The following CUL2 variants were observed in gnomAD, a reference collection of about 807,000 sequenced individuals.
CUL2 encodes the protein cullin 2.
CUL2 carries 22 observed loss-of-function variants against 110.2 expected under a neutral mutation model. The ratio of observed to expected loss-of-function variants is 0.20; its 90% CI spans 0.14 to 0.28. The LOEUF (loss-of-function observed/expected upper bound fraction) is 0.28. Ranked by LOEUF, CUL2 falls within the 10% of genes least tolerant of loss-of-function variation. The pLI is 1.00. For missense variants in CUL2, 631 were observed against 905.5 expected (o/e 0.70, Z 3.89); for synonymous variants, 279 against 293.2 (o/e 0.95, Z 0.49).
intron 8 of CUL2, among the ~76,000 whole-genome samples, chr10:35,042,574 C>T (rs1447659724): frequency 6.6e-6 from 1 of 152,132 alleles, no homozygotes; most frequent in African/African-American, 2.4e-5. Context: ...GAGAAAGCCC[C>T]ACCCTGTACG....
At chr10:35,033,350 A>C (rs748661795) in intron 10 of CUL2, 77 bp from the exon 11 acceptor site, 2 of 969,634 alleles carry the variant, frequency 2.1e-6, no homozygotes, top group East Asian at 5.1e-5. Flanking sequence ...TATTAGACTT[A>C]TTAGTAAATT....
intron 1 of CUL2, among the ~76,000 whole-genome samples, chr10:35,103,418 G>A (rs553593028): frequency 1.2e-4 from 18 of 145,032 alleles, no homozygotes; most frequent in Non-Finnish European, 2.5e-4. Context: ...TCCGCCTCCC[G>A]GGTTCACGCC....
intron 2 of CUL2, among the ~76,000 whole-genome samples, chr10:35,067,903 C>G (rs1564735748): frequency 1.3e-5 from 2 of 151,636 alleles, no homozygotes; most frequent in Non-Finnish European, 2.9e-5. Flanking sequence ...GTCAGGAGAT[C>G]GAGACCATCC....
intron 2 of CUL2, among the ~76,000 whole-genome samples, chr10:35,064,769 T>C (rs2086473807): frequency 6.6e-6 from 1 of 152,188 alleles, no homozygotes; most frequent in African/African-American, 2.4e-5. Flanking sequence ...TCTCAAACTC[T>C]TGGGCTCAGG....
intron 8 of CUL2, among the ~76,000 whole-genome samples, chr10:35,042,648 G>C (rs962654698): frequency 1.3e-5 from 2 of 152,116 alleles, no homozygotes; most frequent in Non-Finnish European, 1.5e-5. Context: ...GGGTTCCACA[G>C]GGATAGAAGC....
intron 2 of CUL2, among the ~76,000 whole-genome samples, chr10:35,067,057 G>A (rs942449073): frequency 6.6e-6 from 1 of 150,396 alleles, no homozygotes; most frequent in Non-Finnish European, 1.5e-5. Context: ...GCTGAGGCAG[G>A]AGAATTGCCT....
At chr10:35,108,984 G>T (rs1380199275) in intron 1 of CUL2, among the ~76,000 whole-genome samples, 1 of 152,312 alleles carries the variant, frequency 6.6e-6, no homozygotes, top group African/African-American at 2.4e-5. Flanking sequence ...AGGCCGAAGT[G>T]GGTGGACCAC....
chr10:35,085,138 A>T (rs1029461009), intron 1 of CUL2, among the ~76,000 whole-genome samples: 5 of 150,628 alleles, frequency 3.3e-5, no homozygotes, highest in African/African-American at 1.2e-4. Flanking sequence ...ATAATAATAA[A>T]AAATAACTGG....
In CUL2 at chr10:35,016,262, T is replaced by C. The variant is rs760257740; in HGVS notation, c.1817A>G (p.Asn606Ser). The C allele has an allele frequency of 6.8e-6, 11 of 1,613,978 alleles. No homozygotes were observed. Among genetic ancestry groups the C allele is most frequent in the Non-Finnish European group, 7.6e-6 (9 of 1,179,992 alleles). ...GATTGTTTTTGTCAGTTCCTTTTCATTCATCTGAGTGCTGTCCTGAAGCTC... is the reference window on the plus strand; with the variant it reads ...GATTGTTTTTGTCAGTTCCTTTTCACTCATCTGAGTGCTGTCCTGAAGCTC... ...YKELQDSTQM[N>S]EKELTKTIKS... Residue 606 changes from asparagine (N) to serine (S), a missense_variant, in exon 18 of 21, where the codon AAT becomes AGT. Asn to Ser is a conservative substitution (Grantham distance 46). Coordinates refer to ENST00000374749, the MANE Select transcript of CUL2 (RefSeq NM_003591.4).
At chr10:35,108,521 C>T (rs952373363) in intron 1 of CUL2, among the ~76,000 whole-genome samples, 2 of 150,720 alleles carry the variant, frequency 1.3e-5, no homozygotes, top group Non-Finnish European at 2.9e-5. Context: ...GTGGGAAAGA[C>T]AGGGAGAAAT....
chr10:35,122,800 G>A (rs1237779250), intron 1 of CUL2, among the ~76,000 whole-genome samples: 1 of 152,092 alleles, frequency 6.6e-6, no homozygotes, highest in Non-Finnish European at 1.5e-5. Context: ...ACCATGCCCA[G>A]CTTATTTTTG....
At chr10:35,029,007 A>G (rs1323841805) in intron 15 of CUL2, 120 bp from the exon 16 acceptor site, 2 of 630,928 alleles carry the variant, frequency 3.2e-6, no homozygotes, top group Non-Finnish European at 5.4e-6. Context: ...ATGTTGATGA[A>G]ATCTGAGTAT....
intron 20 of CUL2, 113 bp from the exon 21 acceptor site, chr10:35,010,555 C>T (rs2084874343): frequency 3.2e-6 from 3 of 931,978 alleles, no homozygotes; most frequent in Middle Eastern, 2.3e-4. Context: ...AACAAATGGG[C>T]CAAATTAAGT....
chr10:35,054,168 T>A (rs574711373), intron 5 of CUL2, among the ~76,000 whole-genome samples: 11 of 152,348 alleles, frequency 7.2e-5, no homozygotes, highest in Middle Eastern at 3.4e-3. Context: ...CAACACTTTA[T>A]AATTGTTTCT....
At chr10:35,051,048 G>A (rs1172221011) in intron 5 of CUL2, among the ~76,000 whole-genome samples, 1 of 152,240 alleles carries the variant, frequency 6.6e-6, no homozygotes, top group African/African-American at 2.4e-5. Context: ...AGGCACAGTG[G>A]CTCACGCCTG....
chr10:35,087,139 A>C (rs933684230), intron 1 of CUL2, among the ~76,000 whole-genome samples: 2 of 152,226 alleles, frequency 1.3e-5, no homozygotes, highest in South Asian at 4.1e-4. Flanking sequence ...ATCACAGATC[A>C]CTGCCACTTC....
rs113490254 is a variant in CUL2, at chr10:35,047,426, C to T, written c.506+2257G>A. On this transcript the variant is annotated intron_variant, in intron 6 of 20. Coordinates refer to ENST00000374749, the MANE Select transcript of CUL2 (RefSeq NM_003591.4). ...GAGATAGAGACCATCCTGGCTAAAACGGTGAAACCCCGTCTCCACTAAAAA... is the reference window on the plus strand; with the variant it reads ...GAGATAGAGACCATCCTGGCTAAAATGGTGAAACCCCGTCTCCACTAAAAA... 6.3e-3 allele frequency among the ~76,000 whole-genome samples: 937 copies of T among 149,858 alleles called. 12 individuals carry two copies. Among genetic ancestry groups the T allele is most frequent in the African/African-American group, 0.022 (884 of 40,614 alleles).
At chr10:35,113,450 A>G (rs1190014543) in intron 1 of CUL2, among the ~76,000 whole-genome samples, 1 of 134,326 alleles carries the variant, frequency 7.4e-6, no homozygotes, top group Admixed American at 8.8e-5. Context: ...GTGAGCCGAT[A>G]TCACGCTACT....
Position 35,013,818 on chromosome 10 carries a change from A to G in CUL2, c.1888-18T>C. ...ATATCTTCCTACATTTAAAAATAAA[A>G]CATTTATATTTATAAAAACCAAAAT... On this transcript the variant is annotated intron_variant, in intron 18 of 20. Coordinates refer to ENST00000374749, the MANE Select transcript of CUL2 (RefSeq NM_003591.4). 1 of 1,386,700 alleles carries G rather than the reference A, an allele frequency of 7.2e-7. No homozygotes were observed. The highest frequency in any genetic ancestry group is 1.6e-5 in the South Asian group (1 of 62,150). 85.9% of individuals were successfully genotyped at this position (1,386,700 alleles called of 1,614,324 possible). A position where few individuals can be genotyped will look rare whatever the true frequency, so the allele number is the denominator to read the frequency against.
Sources: gnomAD v4.1 joint callset for allele counts (sites outside exome capture counted in the v4.1 genomes callset) on GRCh38, gnomAD v4.1.1 for gene constraint, MANE v1.5 for transcripts, NCBI Gene and HGNC (gene_info 2026-07-23, HGNC 2026-07-21) for gene names.